SLC24A2: variants seen among roughly 807,000 people sequenced by gnomAD.
SLC24A2 encodes the protein solute carrier family 24 member 2, also known as sodium/potassium/calcium exchanger 2.
Under a neutral mutation model 62.0 loss-of-function variants are expected in SLC24A2, and 36 were observed. That is an observed-to-expected ratio of 0.58 (90% CI 0.44 to 0.77). SLC24A2 has a LOEUF of 0.77. Among genes scored for constraint, SLC24A2 ranks in the 30% least tolerant of loss-of-function variants. The pLI, the probability that SLC24A2 is intolerant of heterozygous loss-of-function variation, is 0.00. For synonymous variants in SLC24A2, 358 were observed against 294.0 expected, an observed-to-expected ratio of 1.22 and a Z score of -2.23; for missense variants, 846 against 817.9, an observed-to-expected ratio of 1.03 and a Z score of -0.42.
chr9:20,228,366 G>A, the SLC24A2 span, among the ~76,000 whole-genome samples: 1 of 151,996 alleles, frequency 6.6e-6, no homozygotes, highest in South Asian at 2.1e-4. Context: ...CTGAGTTGGG[G>A]GTCACAGACT....
rs1554665766 is a variant in SLC24A2, at chr9:19,513,188, A to ATATG, written c.*2961_*2964dup. ...TATATATATATATGTATATATATATATATGTATATATTTATATATGTATAT... is the reference window on the plus strand; with the variant it reads ...TATATATATATATGTATATATATATATATGTATGTATATATTTATATATGTATAT... On this transcript the variant is annotated 3_prime_UTR_variant, in exon 11 of 11. Coordinates refer to ENST00000341998, the MANE Select transcript of SLC24A2 (RefSeq NM_020344.4). 6.4e-5 allele frequency: 9 copies of ATATG among 140,442 alleles called. No homozygotes were observed. Among genetic ancestry groups the ATATG allele is most frequent in the Admixed American group, 2.9e-4 (4 of 13,904 alleles). The allele number at this position is 140,442 out of a possible 1,614,324, so 8.7% of individuals were successfully genotyped here. A position where few individuals can be genotyped will look rare whatever the true frequency, so the allele number is the denominator to read the frequency against.
At position 19,716,855 on chromosome 9, in the gene SLC24A2, C is replaced by G. The variant is rs117833166; in HGVS notation, c.930+69082G>C. On this transcript the variant is annotated intron_variant, in intron 2 of 10. Transcript: ENST00000341998. ...CATATCTGAATGCTTTCAGTCTGGT[C>G]CATCAATGGCACTACTATAATCTCT... Among the ~76,000 whole-genome samples, 152 of 152,286 alleles carry G rather than the reference C, an allele frequency of 1.0e-3. 2 individuals carry two copies. The East Asian group carries it at 0.027, about 27-fold the overall frequency.
chr9:20,237,495 G>T, the SLC24A2 span, among the ~76,000 whole-genome samples: 1 of 152,178 alleles, frequency 6.6e-6, no homozygotes, highest in African/African-American at 2.4e-5. Flanking sequence ...CCTAGGGATT[G>T]CTAGGGAAAG....
chr9:20,151,213 A>G, the SLC24A2 span, among the ~76,000 whole-genome samples: 4 of 151,928 alleles, frequency 2.6e-5, no homozygotes, highest in East Asian at 1.9e-4. Context: ...CCTCTTCCCA[A>G]TGTTGGCATA....
the SLC24A2 span, among the ~76,000 whole-genome samples, chr9:20,064,125 T>G: frequency 6.6e-6 from 1 of 152,212 alleles, no homozygotes; most frequent in Non-Finnish European, 1.5e-5. Flanking sequence ...TATAGTGGAA[T>G]ATTTGTCAGC....
the SLC24A2 span, among the ~76,000 whole-genome samples, chr9:19,872,938 G>A: frequency 2.0e-5 from 3 of 152,170 alleles, no homozygotes; most frequent in African/African-American, 7.2e-5. Context: ...AATCCCTCAT[G>A]TCTAAATTCA....
the SLC24A2 span, among the ~76,000 whole-genome samples, chr9:20,267,408 A>T: frequency 6.6e-6 from 1 of 152,130 alleles, no homozygotes; most frequent in African/African-American, 2.4e-5. Flanking sequence ...TGAGTTCAGA[A>T]TGCTGGCGTC....
intron 2 of SLC24A2, among the ~76,000 whole-genome samples, chr9:19,649,473 G>A (rs999045393): frequency 1.3e-5 from 2 of 152,110 alleles, no homozygotes; most frequent in South Asian, 2.1e-4. Flanking sequence ...TCATGATAGG[G>A]GTGGGGGTAG....
the SLC24A2 span, among the ~76,000 whole-genome samples, chr9:20,239,877 C>CTTT: frequency 3.5e-5 from 5 of 144,048 alleles, no homozygotes; most frequent in African/African-American, 7.7e-5. Flanking sequence ...TGCCTTCTGG[C>CTTT]TTTTTTTTTT....
chr9:19,790,119 C>T (rs549389953), upstream of SLC24A2, among the ~76,000 whole-genome samples: 61 of 151,744 alleles, frequency 4.0e-4, no homozygotes, highest in African/African-American at 1.3e-3. Context: ...TTTCTCCTTT[C>T]GAGACTGAAT....
intron 2 of SLC24A2, among the ~76,000 whole-genome samples, chr9:19,636,351 C>G (rs1170879947): frequency 6.1e-5 from 2 of 32,656 alleles, no homozygotes; most frequent in Admixed American, 7.1e-4. Context: ...TTCTTTCTTT[C>G]TTTCTTTCTT....
At chr9:19,638,288 T>A (rs1300817002) in intron 2 of SLC24A2, among the ~76,000 whole-genome samples, 1 of 152,190 alleles carries the variant, frequency 6.6e-6, no homozygotes, top group Non-Finnish European at 1.5e-5. Context: ...AAGGTTATTT[T>A]CCTCCATTTG....
intron 9 of SLC24A2, among the ~76,000 whole-genome samples, chr9:19,524,734 T>C (rs1169543292): frequency 6.6e-6 from 1 of 152,212 alleles, no homozygotes; most frequent in Non-Finnish European, 1.5e-5. Context: ...ATGGCTTTCA[T>C]TCGTCTTGGC....
chr9:19,915,137 A>G, the SLC24A2 span, among the ~76,000 whole-genome samples: 65,567 of 151,954 alleles, frequency 0.43, 15,078 homozygotes, highest in Non-Finnish European at 0.52. Context: ...TTTTGTCACT[A>G]TGAATTTACC....
the SLC24A2 span, among the ~76,000 whole-genome samples, chr9:20,150,439 T>C: frequency 1.3e-5 from 2 of 152,024 alleles, no homozygotes; most frequent in African/African-American, 4.8e-5. Context: ...ATGCTACTAT[T>C]CAATGCATTA....
chr9:20,157,070 A>G, the SLC24A2 span, among the ~76,000 whole-genome samples: 1 of 151,806 alleles, frequency 6.6e-6, no homozygotes, highest in Non-Finnish European at 1.5e-5. Context: ...GCAATTTATT[A>G]TAATTTGTAT....
the SLC24A2 span, among the ~76,000 whole-genome samples, chr9:19,870,578 C>T: frequency 6.6e-6 from 1 of 152,122 alleles, no homozygotes; most frequent in South Asian, 2.1e-4. Context: ...TTTTAGAGAA[C>T]TGTCACACTG....
At chr9:19,575,699 A>G (rs1040968122) in intron 6 of SLC24A2, among the ~76,000 whole-genome samples, 9 of 152,364 alleles carry the variant, frequency 5.9e-5, no homozygotes, top group African/African-American at 2.2e-4. Flanking sequence ...AAAAAAGATT[A>G]AATCCAAGTC....
At chr9:19,889,204 G>A in the SLC24A2 span, among the ~76,000 whole-genome samples, 1 of 152,156 alleles carries the variant, frequency 6.6e-6, no homozygotes, top group Non-Finnish European at 1.5e-5. Context: ...CACTGGGAAG[G>A]ATATTCTGGG....
Sources: allele counts gnomAD v4.1 joint callset (sites outside exome capture counted in the v4.1 genomes callset), GRCh38; gene constraint gnomAD v4.1.1; transcripts MANE v1.5; gene names NCBI Gene and HGNC (gene_info 2026-07-23, HGNC 2026-07-21).